PRELID2: variants seen among roughly 807,000 people sequenced by gnomAD.
PRELID2 encodes PRELI domain-containing protein 2.
In PRELID2, 25 loss-of-function variants were observed where a neutral mutation model predicts 28.4. That is an observed-to-expected ratio of 0.88 (90% CI 0.64 to 1.23). The LOEUF (loss-of-function observed/expected upper bound fraction) is 1.23. PRELID2 is among the 50% of genes most tolerant of loss of function. The probability of loss-of-function intolerance (pLI) is 0.00; values close to 1 mark genes in which losing one functional copy is unlikely to be tolerated. For synonymous variants in PRELID2, 76 were observed against 71.6 expected (o/e 1.06, Z -0.31); for missense variants, 201 against 214.4 (o/e 0.94, Z 0.39).
At chr5:145,304,910 T>C in the PRELID2 span, among the ~76,000 whole-genome samples, 1 of 152,148 alleles carries the variant, frequency 6.6e-6, no homozygotes, top group Non-Finnish European at 1.5e-5. Context: ...CCTGATAGAA[T>C]AGGAACATAG....
the PRELID2 span, among the ~76,000 whole-genome samples, chr5:145,326,180 AT>A: frequency 3.3e-5 from 5 of 152,116 alleles, no homozygotes; most frequent in Non-Finnish European, 7.4e-5. Context: ...AATTTTTTTA[AT>A]TTTTAGTAAG....
At chr5:145,268,851 T>C in the PRELID2 span, among the ~76,000 whole-genome samples, 393 of 152,140 alleles carry the variant, frequency 2.6e-3, 2 homozygotes, top group African/African-American at 9.0e-3. Context: ...TCATAGAATA[T>C]AAAGTCATTA....
chr5:145,261,380 A>T, the PRELID2 span, among the ~76,000 whole-genome samples: 137 of 152,136 alleles, frequency 9.0e-4, no homozygotes, highest in African/African-American at 3.3e-3. Context: ...CCAACACAAA[A>T]CCAGTGCACA....
chr5:145,304,112 G>A, the PRELID2 span, among the ~76,000 whole-genome samples: 31 of 151,908 alleles, frequency 2.0e-4, no homozygotes, highest in South Asian at 1.2e-3. Context: ...CATTTATATC[G>A]TTTATAAAAT....
chr5:145,351,668 C>T, the PRELID2 span, among the ~76,000 whole-genome samples: 1 of 152,206 alleles, frequency 6.6e-6, no homozygotes, highest in South Asian at 2.1e-4. Flanking sequence ...CAAAGTCTAG[C>T]TCATTCTACC....
the PRELID2 span, among the ~76,000 whole-genome samples, chr5:145,236,566 T>C: frequency 8.5e-5 from 13 of 152,256 alleles, no homozygotes; most frequent in Non-Finnish European, 1.5e-5. Flanking sequence ...AAACCCACAT[T>C]GATAATGTTC....
intron 5 of PRELID2, among the ~76,000 whole-genome samples, chr5:145,791,543 G>A (rs189542543): frequency 1.3e-5 from 2 of 152,234 alleles, no homozygotes; most frequent in Admixed American, 1.3e-4. Context: ...GAGACAAAAA[G>A]TAGAATGGTG....
intron 1 of PRELID2, among the ~76,000 whole-genome samples, chr5:145,684,414 A>G (rs758293947): frequency 1.3e-4 from 20 of 151,986 alleles, no homozygotes; most frequent in Admixed American, 6.5e-5. Flanking sequence ...GTTGTTTCAG[A>G]CTGTAGGTCG....
At chr5:145,752,989 T>C (rs1194939308), downstream of PRELID2, among the ~76,000 whole-genome samples, 2 of 152,212 alleles carry the variant, frequency 1.3e-5, no homozygotes, top group African/African-American at 4.8e-5. Context: ...AAACAATTGA[T>C]GAGTTTTCAA....
chr5:145,754,063 T>C (rs1213701208), downstream of PRELID2: 2 of 152,238 alleles, frequency 1.3e-5, no homozygotes, highest in Non-Finnish European at 2.9e-5. Context: ...AATTCAAGGA[T>C]GTCCTCAAAC....
At chr5:145,628,591 T>C (rs924182426) in intron 1 of PRELID2, among the ~76,000 whole-genome samples, 1 of 152,196 alleles carries the variant, frequency 6.6e-6, no homozygotes, top group African/African-American at 2.4e-5. Context: ...CTCAAAGTGC[T>C]GGGATTATAG....
the PRELID2 span, among the ~76,000 whole-genome samples, chr5:145,254,942 C>A: frequency 1.3e-5 from 2 of 151,550 alleles, no homozygotes; most frequent in African/African-American, 4.8e-5. Flanking sequence ...TGACTCCACC[C>A]ACAATTAATT....
chr5:145,739,593 T>A (rs1443130299), intron 1 of PRELID2, among the ~76,000 whole-genome samples: 2 of 151,818 alleles, frequency 1.3e-5, no homozygotes, highest in Non-Finnish European at 2.9e-5. Context: ...TTTCTCTTCT[T>A]GAGTCTTCTA....
chr5:145,663,828 G>A (rs756630993), intron 1 of PRELID2, among the ~76,000 whole-genome samples: 1 of 152,008 alleles, frequency 6.6e-6, no homozygotes, highest in Non-Finnish European at 1.5e-5. Context: ...GTGTTATTCC[G>A]AGGACTAATT....
chr5:145,432,244 T>C, the PRELID2 span, among the ~76,000 whole-genome samples: 6 of 152,196 alleles, frequency 3.9e-5, no homozygotes, highest in Admixed American at 3.9e-4. Context: ...TAAACTTTTA[T>C]GCAAGATTGA....
intron 1 of PRELID2, among the ~76,000 whole-genome samples, chr5:145,481,376 T>G (rs562458725): frequency 4.6e-5 from 7 of 152,064 alleles, no homozygotes; most frequent in Non-Finnish European, 8.8e-5. Context: ...TCCCTGACCC[T>G]AGTTGTCCTC....
chr5:145,266,933 G>C, the PRELID2 span, among the ~76,000 whole-genome samples: 25 of 152,184 alleles, frequency 1.6e-4, no homozygotes, highest in Middle Eastern at 3.4e-3. Flanking sequence ...CTCGGTAATG[G>C]AAAACCAAAC....
intron 1 of PRELID2, among the ~76,000 whole-genome samples, chr5:145,623,318 C>T (rs184281196): frequency 4.6e-5 from 7 of 151,780 alleles, no homozygotes; most frequent in South Asian, 2.1e-4. Flanking sequence ...TGTGGTGGCG[C>T]GCACCTGTAA....
At chr5:145,484,420 C>T (rs931401398) in intron 1 of PRELID2, among the ~76,000 whole-genome samples, 2 of 152,196 alleles carry the variant, frequency 1.3e-5, no homozygotes, top group Admixed American at 1.3e-4. Flanking sequence ...TAGACTGACT[C>T]ATAGACAAAT....
Sources: allele counts gnomAD v4.1 joint callset (sites outside exome capture counted in the v4.1 genomes callset), GRCh38; gene constraint gnomAD v4.1.1; transcripts MANE v1.5; gene names NCBI Gene and HGNC (gene_info 2026-07-23, HGNC 2026-07-21).